The following RARB variants were observed in gnomAD, a reference collection of about 807,000 sequenced individuals.
RARB encodes retinoic acid receptor beta.
In RARB, 17 loss-of-function variants were observed where a neutral mutation model predicts 51.9. That is an observed-to-expected ratio of 0.33 (90% CI 0.22 to 0.49). The LOEUF (loss-of-function observed/expected upper bound fraction) is 0.49. Ranked by LOEUF, RARB falls within the 20% of genes least tolerant of loss-of-function variation. RARB has a pLI of 0.99. For missense variants in RARB, 369 were observed against 550.8 expected (o/e 0.67, Z 3.30); for synonymous variants, 215 against 195.4 (o/e 1.10, Z -0.84).
intron 5 of RARB, among the ~76,000 whole-genome samples, chr3:25,314,014 T>C (rs954891735): frequency 6.6e-6 from 1 of 152,028 alleles, no homozygotes; most frequent in African/African-American, 2.4e-5. Context: ...GAGGTTGCAC[T>C]GAGCTATGAT....
intron 3 of RARB, among the ~76,000 whole-genome samples, chr3:25,532,374 A>C (rs1433840747): frequency 6.6e-6 from 1 of 152,214 alleles, no homozygotes; most frequent in East Asian, 1.9e-4. Context: ...TCCTGCTTAA[A>C]TGTAAGATCA....
chr3:25,043,135 C>T (rs1304567840), intron 2 of RARB, among the ~76,000 whole-genome samples: 1 of 152,160 alleles, frequency 6.6e-6, no homozygotes, highest in Non-Finnish European at 1.5e-5. Context: ...CTCCCTAGAA[C>T]CTGATCACTT....
At chr3:25,041,681 G>T (rs1009811625) in intron 2 of RARB, among the ~76,000 whole-genome samples, 2 of 151,886 alleles carry the variant, frequency 1.3e-5, no homozygotes, top group African/African-American at 4.8e-5. Context: ...AGATTCAGGG[G>T]TTCTTAAGAA....
chr3:25,541,221 A>C (rs1699366941), intron 3 of RARB, among the ~76,000 whole-genome samples: 1 of 152,206 alleles, frequency 6.6e-6, no homozygotes, highest in African/African-American at 2.4e-5. Flanking sequence ...CCATTGATTT[A>C]GCCACTCTAG....
At position 25,321,591 on chromosome 3, in the gene RARB, C is replaced by T. The variant is rs536024576; in HGVS notation, c.179-139602C>T. 9.9e-5 allele frequency among the ~76,000 whole-genome samples: 15 copies of T among 151,814 alleles called. No individual in the cohort carries two copies. In the South Asian group the frequency reaches 3.1e-3, roughly 32 times the overall value. On this transcript the variant is annotated intron_variant, in intron 5 of 11. Transcript: ENST00000383772. ...AATTAGCCGGGCATGGTGGCAGGTACCTGTAATCCCAGCTACTCGGGAGGC... is the reference window on the plus strand; with the variant it reads ...AATTAGCCGGGCATGGTGGCAGGTATCTGTAATCCCAGCTACTCGGGAGGC...
At chr3:25,124,299 A>T (rs1699829093) in intron 3 of RARB, among the ~76,000 whole-genome samples, 1 of 152,190 alleles carries the variant, frequency 6.6e-6, no homozygotes. Flanking sequence ...ACTTGAACCC[A>T]GGAGGTGAAA....
chr3:25,112,116 C>G (rs1699612288), intron 3 of RARB, among the ~76,000 whole-genome samples: 1 of 152,120 alleles, frequency 6.6e-6, no homozygotes, highest in Admixed American at 6.6e-5. Flanking sequence ...AATAAAAGAA[C>G]AGACTCTTGT....
At chr3:25,131,410 T>C (rs1699951920) in intron 3 of RARB, among the ~76,000 whole-genome samples, 1 of 152,044 alleles carries the variant, frequency 6.6e-6, no homozygotes, top group Non-Finnish European at 1.5e-5. Flanking sequence ...CAAAGCCTTG[T>C]TTCTTTTTAA....
At chr3:24,973,520 A>G (rs1268893179) in intron 2 of RARB, among the ~76,000 whole-genome samples, 1 of 152,012 alleles carries the variant, frequency 6.6e-6, no homozygotes, top group Non-Finnish European at 1.5e-5. Context: ...ATATTTTGTT[A>G]GGGATTGCAT....
chr3:25,235,830 A>G (rs1702289685), intron 5 of RARB, among the ~76,000 whole-genome samples: 1 of 152,174 alleles, frequency 6.6e-6, no homozygotes, highest in Non-Finnish European at 1.5e-5. Flanking sequence ...GAAATGTCAT[A>G]ATTTTCCCCA....
At chr3:24,833,479 A>G (rs537199649) in intron 1 of RARB, among the ~76,000 whole-genome samples, 4 of 152,314 alleles carry the variant, frequency 2.6e-5, no homozygotes, top group Non-Finnish European at 2.9e-5. Flanking sequence ...CCATACAACA[A>G]TTCAATTTAT....
chr3:25,276,532 T>C (rs1427414355), intron 5 of RARB, among the ~76,000 whole-genome samples: 2 of 152,238 alleles, frequency 1.3e-5, no homozygotes, highest in Non-Finnish European at 2.9e-5. Context: ...CGTATTTCAT[T>C]TTCTCTCCCT....
rs193202368 is a variant in RARB, at chr3:24,903,829, T to C, written c.-380+45077T>C. Among the ~76,000 whole-genome samples, 309 of 152,286 alleles carry C rather than the reference T, an allele frequency of 2.0e-3. 1 individual carries two copies. Among genetic ancestry groups the C allele is most frequent in the Non-Finnish European group, 3.6e-3 (247 of 68,010 alleles). ...TGTTCTCTATACATTTTTAAAAGAA[T>C]CTTAAGGATTAATAACAAAAACTTC... On this transcript the variant is annotated intron_variant, in intron 2 of 11. Transcript: ENST00000383772.
At chr3:25,467,526 A>G (rs956927742) in intron 2 of RARB, among the ~76,000 whole-genome samples, 3 of 44,510 alleles carry the variant, frequency 6.7e-5, no homozygotes, top group Non-Finnish European at 1.5e-4. Flanking sequence ...AGCCAACGCC[A>G]CTTATCCAGT....
intron 5 of RARB, among the ~76,000 whole-genome samples, chr3:25,362,274 C>G (rs1359176873): frequency 6.6e-6 from 1 of 152,162 alleles, no homozygotes; most frequent in East Asian, 1.9e-4. Context: ...TTCCTGGCAG[C>G]TTTCTTTACA....
chr3:25,025,033 C>T (rs1008221039), intron 2 of RARB: 1 of 151,040 alleles, frequency 6.6e-6, no homozygotes, highest in Admixed American at 6.6e-5. Context: ...TGAACACTCT[C>T]AATCTCATCT....
chr3:25,484,463 A>G (rs1421010252), intron 2 of RARB, among the ~76,000 whole-genome samples: 4 of 152,226 alleles, frequency 2.6e-5, no homozygotes, highest in Non-Finnish European at 5.9e-5. Context: ...ACTACAAAAT[A>G]TACATATGTT....
At chr3:25,318,928 G>A (rs1405448910) in intron 5 of RARB, among the ~76,000 whole-genome samples, 1 of 152,076 alleles carries the variant, frequency 6.6e-6, no homozygotes, top group Non-Finnish European at 1.5e-5. Flanking sequence ...CTCTTGTAGT[G>A]CCCAGCATAG....
chr3:25,396,157 A>C (rs62237590), intron 5 of RARB, among the ~76,000 whole-genome samples: 27,456 of 152,170 alleles, frequency 0.18, 2,713 homozygotes, highest in Admixed American at 0.31. Context: ...CAGCAGAGCT[A>C]CTGGGCTCCA....
Sources: allele counts gnomAD v4.1 joint callset (sites outside exome capture counted in the v4.1 genomes callset), GRCh38; gene constraint gnomAD v4.1.1; transcripts MANE v1.5; gene names NCBI Gene and HGNC (gene_info 2026-07-23, HGNC 2026-07-21).